The following METTL4 variants were observed in gnomAD, a reference collection of about 807,000 sequenced individuals.
The protein encoded by METTL4 is N(6)-adenine-specific methyltransferase METTL4.
METTL4 carries 40 observed loss-of-function variants against 54.0 expected under a neutral mutation model. That is an observed-to-expected ratio of 0.74 (90% CI 0.58 to 0.96). The LOEUF is 0.96. Ranked by LOEUF, METTL4 falls within the 50% of genes least tolerant of loss-of-function variation. METTL4 has a pLI of 0.00. For synonymous variants in METTL4, 169 were observed against 183.8 expected (o/e 0.92, Z 0.65); for missense variants, 525 against 549.0 (o/e 0.96, Z 0.44).
intron 1 of METTL4, among the ~76,000 whole-genome samples, chr18:2,569,956 T>C (rs1441733757): frequency 6.6e-6 from 1 of 152,174 alleles, no homozygotes; most frequent in Non-Finnish European, 1.5e-5. Context: ...CATCAGCCTT[T>C]TAACTCAGGT....
chr18:2,542,340 A>G (rs1358586081), intron 8 of METTL4, among the ~76,000 whole-genome samples: 2 of 146,642 alleles, frequency 1.4e-5, no homozygotes, highest in East Asian at 2.1e-4. Flanking sequence ...ATATCTCCCA[A>G]TGCTATCCCT....
At chr18:2,561,242 T>TA (rs1438841184) in intron 3 of METTL4, 1 of 152,118 alleles carries the variant, frequency 6.6e-6, no homozygotes, top group Non-Finnish European at 1.5e-5. Flanking sequence ...CCTACAGAAT[T>TA]AGAGAAGAAA....
rs1231947631 is a variant in METTL4, at chr18:2,538,876, A to C, written c.*124T>G. The C allele has an allele frequency of 2.7e-6, 3 of 1,095,484 alleles. No individual in the cohort carries two copies. In the East Asian group the frequency reaches 7.2e-5, roughly 26 times the overall value. The allele number at this position is 1,095,484 out of a possible 1,614,324, so 67.9% of individuals were successfully genotyped here. On this transcript the variant is annotated 3_prime_UTR_variant, in exon 9 of 9. Coordinates refer to ENST00000574538, the MANE Select transcript of METTL4 (RefSeq NM_022840.5). ...CTAGTCACTTCTGGTCCCTTACTGA[A>C]AAAAACAAGTCCTGTTTATATTCTA... is the stretch of plus-strand genomic sequence containing the variant.
At chr18:2,547,596 G>C in intron 5 of METTL4, 67 bp from the exon 6 acceptor site, 1 of 1,265,662 alleles carries the variant, frequency 7.9e-7, no homozygotes, top group Non-Finnish European at 1.1e-6. Flanking sequence ...GCAGGGATAA[G>C]ACATGCATAA....
chr18:2,559,983 C>G (rs1264475456), intron 3 of METTL4, among the ~76,000 whole-genome samples: 1 of 152,086 alleles, frequency 6.6e-6, no homozygotes, highest in Non-Finnish European at 1.5e-5. Flanking sequence ...AGTGATCTGC[C>G]CACCTCGGCC....
At position 2,547,423 on chromosome 18, in the gene METTL4, G is replaced by T; in HGVS notation, c.1006C>A (p.Arg336Ser). 6.2e-7 allele frequency: 1 copy of T among 1,611,632 alleles called. No homozygotes were observed. Among genetic ancestry groups the T allele is most frequent in the East Asian group, 2.2e-5 (1 of 44,804 alleles). Residue 336 changes from arginine to serine, a missense_variant, in exon 6 of 9, where the codon CGT becomes AGT. By Grantham distance (110) the Arg-to-Ser change is moderately radical. Transcript: ENST00000574538. ...TWVTNRQKHL[R>S]FIKEELYPSW... ...GGATAAAGTTCTTCCTTTATAAAAC[G>T]TAGGTGCTTCTGTCTATTGGTCACC...
chr18:2,555,066 A>C, intron 3 of METTL4, 28 bp from the exon 4 acceptor site: 2 of 1,596,434 alleles, frequency 1.3e-6, no homozygotes, highest in Non-Finnish European at 1.7e-6. Flanking sequence ...GTACATTAAA[A>C]GAACGTTGAC....
intron 5 of METTL4, 81 bp from the exon 6 acceptor site, chr18:2,547,610 A>G: frequency 1.9e-6 from 2 of 1,051,554 alleles, no homozygotes; most frequent in Non-Finnish European, 2.7e-6. Flanking sequence ...TGCATAACAC[A>G]GACTCCACAA....
At chr18:2,539,851 T>TTAA in intron 8 of METTL4, 2 of 824,816 alleles carry the variant, frequency 2.4e-6, no homozygotes, top group Non-Finnish European at 2.9e-6. Context: ...ACAACCCATT[T>TTAA]AAAAAAAAAA....
intron 8 of METTL4, chr18:2,540,264 A>G (rs992331958): frequency 4.1e-6 from 4 of 980,896 alleles, no homozygotes; most frequent in Non-Finnish European, 4.8e-6. Flanking sequence ...CTGGTTAGCT[A>G]TGCTAACCAC....
chr18:2,540,276 T>G, intron 8 of METTL4: 1 of 983,644 alleles, frequency 1.0e-6, no homozygotes, highest in Non-Finnish European at 1.2e-6. Context: ...GCTAACCACC[T>G]AATAGGAATT....
At chr18:2,540,691 A>G in intron 8 of METTL4, 1 of 985,418 alleles carries the variant, frequency 1.0e-6, no homozygotes. Context: ...ATTTCCCTAG[A>G]GTCTTGGAGG....
In METTL4 at chr18:2,569,801, T is replaced by G. The variant is rs1251152129; in HGVS notation, c.-439+1348A>C. 2.0e-5 allele frequency among the ~76,000 whole-genome samples: 3 copies of G among 152,326 alleles called. No individual in the cohort carries two copies. The East Asian group carries it at 5.8e-4, about 29-fold the overall frequency. On this transcript the variant is annotated intron_variant, in intron 1 of 8. Coordinates refer to ENST00000574538, the MANE Select transcript of METTL4 (RefSeq NM_022840.5). ...GCTCCCTCCCCGTCAAGTCTCTTTT[T>G]GCACTGTCACCACCCAACACTTTCC... is the stretch of plus-strand genomic sequence containing the variant.
chr18:2,543,976 T>C (rs1166010447), intron 8 of METTL4, among the ~76,000 whole-genome samples: 1 of 152,150 alleles, frequency 6.6e-6, no homozygotes, highest in Non-Finnish European at 1.5e-5. Context: ...ATCTGAAAAA[T>C]GGTATAACTG....
rs397758263 is a variant in METTL4 at position 2,549,819 on chromosome 18, T to TAAAAA, written c.900-2295_900-2291dup. 2.5e-3 allele frequency among the ~76,000 whole-genome samples: 196 copies of TAAAAA among 79,032 alleles called. 1 individual carries two copies. Among genetic ancestry groups the TAAAAA allele is most frequent in the African/African-American group, 7.7e-3 (170 of 22,206 alleles). 51.8% of individuals were successfully genotyped at this position (79,032 alleles called of 152,430 possible). On this transcript the variant is annotated intron_variant, in intron 5 of 8. Transcript: ENST00000574538. The stretch of plus-strand genomic sequence containing the variant: ...CAACATAGTGAAACCCCATCTCTAC[T>TAAAAA]AAAAAAAAAAAAAAAAAAAAAAAAA...
In METTL4 at chr18:2,539,128, T is replaced by C; in HGVS notation, c.1291A>G (p.Ile431Val). ...TCCAAATATTCCCCATCTGGCTTGATGTAGTCTTTTAAAACCTCTGTTTAA... is the reference window on the plus strand; with the variant it reads ...TCCAAATATTCCCCATCTGGCTTGACGTAGTCTTTTAAAACCTCTGTTTAA... Reference protein sequence around the residue: ...PPLAEVLKDYIKPDGEYLELF... With the variant: ...PPLAEVLKDYVKPDGEYLELF... Residue 431 changes from isoleucine (I) to valine (V), a missense_variant, in exon 9 of 9, where the codon ATC becomes GTC. By Grantham distance (29) the Ile-to-Val change is conservative (BLOSUM62 3). Coordinates refer to ENST00000574538, the MANE Select transcript of METTL4 (RefSeq NM_022840.5). The C allele has an allele frequency of 2.5e-6, 4 of 1,613,706 alleles. No homozygotes were observed. The highest frequency in any genetic ancestry group is 1.1e-5 in the South Asian group (1 of 91,046).
rs746519985 is a variant in METTL4, at chr18:2,563,905, T to C, written c.397-46A>G. On this transcript the variant is annotated intron_variant, in intron 2 of 8. Transcript: ENST00000574538. ...AGGGGAAAAGTTATGTTGCCATTAATATTTTGCTTTTTCATTATAACATTA... is the reference window on the plus strand; with the variant it reads ...AGGGGAAAAGTTATGTTGCCATTAACATTTTGCTTTTTCATTATAACATTA... The C allele has an allele frequency of 2.1e-6, 3 of 1,444,620 alleles. No individual in the cohort carries two copies. In the East Asian group the frequency reaches 6.9e-5, roughly 33 times the overall value. The allele number at this position is 1,444,620 out of a possible 1,614,324, so 89.5% of individuals were successfully genotyped here.
chr18:2,544,536 G>A, intron 7 of METTL4, 117 bp downstream of exon 7: 1 of 715,606 alleles, frequency 1.4e-6, no homozygotes, highest in Non-Finnish European at 2.3e-6. Context: ...TTTCTACACT[G>A]GACCATTTTC....
chr18:2,539,848 AT>A (rs2071969006), intron 8 of METTL4: 2 of 855,266 alleles, frequency 2.3e-6, no homozygotes, highest in African/African-American at 1.9e-5. Context: ...AAAACAACCC[AT>A]TTAAAAAAAA....
Sources: allele counts gnomAD v4.1 joint callset (sites outside exome capture counted in the v4.1 genomes callset), GRCh38; gene constraint gnomAD v4.1.1; transcripts MANE v1.5; gene names NCBI Gene and HGNC (gene_info 2026-07-23, HGNC 2026-07-21).